Variants in DOCK7 observed in about 807,000 individuals in gnomAD.
The protein encoded by DOCK7 is dedicator of cytokinesis 7, also known as dedicator of cytokinesis protein 7.
Under a neutral mutation model 271.0 loss-of-function variants are expected in DOCK7, and 138 were observed. The ratio of observed to expected loss-of-function variants is 0.51; its 90% CI spans 0.44 to 0.59. DOCK7 has a LOEUF of 0.59. Ranked by LOEUF, DOCK7 falls within the 20% of genes least tolerant of loss-of-function variation. DOCK7 has a pLI of 0.00. For synonymous variants in DOCK7, 823 were observed against 876.1 expected (o/e 0.94, Z 1.07); for missense variants, 2,066 against 2,592.4 (o/e 0.80, Z 4.41).
rs549337180 is a variant in DOCK7, at chr1:62,500,726, G to T, written c.4764+3904C>A. Among the ~76,000 whole-genome samples, 8 of 152,224 alleles carry T rather than the reference G, an allele frequency of 5.3e-5. No individual in the cohort carries two copies. The South Asian group carries it at 1.7e-3, about 32-fold the overall frequency. ...CAATATTTAATGTCAGAAGACAATG[G>T]TACTCAAGTACCCTTTTTTTCCTAT... is the stretch of plus-strand genomic sequence containing the variant. On this transcript the variant is annotated intron_variant, in intron 37 of 49. Coordinates refer to ENST00000635253, the MANE Select transcript of DOCK7 (RefSeq NM_001367561.1).
chr1:62,682,400 T>C lies in DOCK7; in HGVS notation c.38+5827A>G, dbSNP rs780332269. Among the ~76,000 whole-genome samples, 108 of 152,214 alleles carry C rather than the reference T, an allele frequency of 7.1e-4. 2 individuals are homozygous for C. Among genetic ancestry groups the C allele is most frequent in the Non-Finnish European group, 2.6e-4 (18 of 68,036 alleles). On this transcript the variant is annotated intron_variant, in intron 1 of 49. Transcript: ENST00000635253. ...GGATGTCCAACGCAGCTTGGTGGCA[T>C]TCATTTAAACACTTTATGTGTCAGA...
intron 44 of DOCK7, among the ~76,000 whole-genome samples, chr1:62,476,783 C>T (rs1645980887): frequency 6.6e-6 from 1 of 152,034 alleles, no homozygotes; most frequent in South Asian, 2.1e-4. Context: ...AAGGAGAAAC[C>T]CCCACTGCTA....
chr1:62,666,952 A>G (rs1443374545), intron 1 of DOCK7, among the ~76,000 whole-genome samples: 1 of 152,226 alleles, frequency 6.6e-6, no homozygotes, highest in Non-Finnish European at 1.5e-5. Flanking sequence ...GTATGTCAAC[A>G]CACATTACAG....
At chr1:62,583,296 T>A in intron 15 of DOCK7, 42 bp from the exon 16 acceptor site, 1 of 1,524,502 alleles carries the variant, frequency 6.6e-7, no homozygotes, top group Non-Finnish European at 9.1e-7. Flanking sequence ...TTGTAGTAAA[T>A]GCTGGATGTT....
intron 1 of DOCK7, among the ~76,000 whole-genome samples, chr1:62,683,807 A>T (rs1661430861): frequency 6.6e-6 from 1 of 151,930 alleles, no homozygotes; most frequent in Non-Finnish European, 1.5e-5. Context: ...CAGTGCCCAT[A>T]GTCCCAGCTA....
chr1:62,630,697 A>G (rs1452961592), intron 11 of DOCK7, among the ~76,000 whole-genome samples: 1 of 152,144 alleles, frequency 6.6e-6, no homozygotes, highest in African/African-American at 2.4e-5. Flanking sequence ...CCTCATCAAC[A>G]TTATAAAAAA....
At chr1:62,670,456 G>C (rs1387333603) in intron 1 of DOCK7, among the ~76,000 whole-genome samples, 1 of 146,306 alleles carries the variant, frequency 6.8e-6, no homozygotes, top group Admixed American at 6.7e-5. Flanking sequence ...TGCACCAATC[G>C]ACACTCTGTA....
rs1479682992 is a variant in DOCK7, at chr1:62,618,730, A to G, written c.1658T>C (p.Val553Ala). Residue 553 changes from valine (V) to alanine (A), a missense_variant, in exon 14 of 50, where the codon GTT becomes GCT. This residue lies in a region of DOCK7 where 1,414 missense variants were observed against 1,670.4 expected (regional missense o/e 0.85). Transcript: ENST00000635253. ...REILEFPARD[V>A]YVPNTTYRNL... ...CCTGTAAGTAGTGTTTGGAACATAAACATCCCTTGCGGGAAACTCTAAGAT... is the reference window on the plus strand; with the variant it reads ...CCTGTAAGTAGTGTTTGGAACATAAGCATCCCTTGCGGGAAACTCTAAGAT... 6.2e-7 allele frequency: 1 copy of G among 1,613,534 alleles called. No homozygotes were observed. The highest frequency in any genetic ancestry group is 8.5e-7 in the Non-Finnish European group (1 of 1,179,532).
rs1328493814 is a variant in DOCK7, at chr1:62,457,613, T to G, written c.6305A>C (p.Lys2102Thr). The change falls in exon 49 of 50, where the codon AAA (lysine) becomes ACA (threonine). Residue 2102 changes from lysine (K) to threonine (T), a missense_variant. Around this residue, in one of 2 missense-constraint regions of DOCK7, gnomAD observed 652 missense variants for 922.1 expected, o/e 0.71. Coordinates refer to ENST00000635253, the MANE Select transcript of DOCK7 (RefSeq NM_001367561.1). ...RELERNYHRL[K>T]EALQPLINRK... ...GTTGATCAGTGGCTGTAGGGCCTCTTTAAGGCGATGATAGTTTCTCTCCAG... is the reference window on the plus strand; with the variant it reads ...GTTGATCAGTGGCTGTAGGGCCTCTGTAAGGCGATGATAGTTTCTCTCCAG... 6.2e-7 allele frequency: 1 copy of G among 1,614,212 alleles called. No individual in the cohort carries two copies. Among genetic ancestry groups the G allele is most frequent in the Non-Finnish European group, 8.5e-7 (1 of 1,180,038 alleles).
chr1:62,506,708 G>A (rs1029737636), intron 35 of DOCK7, among the ~76,000 whole-genome samples: 18 of 151,824 alleles, frequency 1.2e-4, no homozygotes, highest in African/African-American at 4.3e-4. Flanking sequence ...CACACTTTGG[G>A]AGGCTGAGGT....
chr1:62,495,320 G>A lies in DOCK7; in HGVS notation c.5024+261C>T, dbSNP rs55672040. ...AGAAAAATCACTCAAGGCCAGGTGC[G>A]GTGGCTCACGTCTGTAATCCCAGAA... On this transcript the variant is annotated intron_variant, in intron 39 of 49. Transcript: ENST00000635253. 4.0e-5 allele frequency: 9 copies of A among 225,394 alleles called. 1 individual carries two copies. The highest frequency in any genetic ancestry group is 1.1e-4 in the Admixed American group (2 of 17,510). 14.0% of individuals were successfully genotyped at this position (225,394 alleles called of 1,614,324 possible).
chr1:62,558,225 T>G lies in DOCK7; in HGVS notation c.2431+764A>C, dbSNP rs1646210986. Among the ~76,000 whole-genome samples, 3 of 152,316 alleles carry G rather than the reference T, an allele frequency of 2.0e-5. No individual in the cohort carries two copies. The East Asian group carries it at 5.8e-4, about 29-fold the overall frequency. On this transcript the variant is annotated intron_variant, in intron 20 of 49. Transcript: ENST00000635253. ...TGTGTACTATGTACATGCTGTTTCA[T>G]GCTGTTTAATCTCCTTGGAATAATA...
chr1:62,558,839 G>T, intron 20 of DOCK7, 150 bp downstream of exon 20: 7 of 626,678 alleles, frequency 1.1e-5, no homozygotes, highest in South Asian at 7.4e-5. Context: ...TTATTTTCTG[G>T]CATTATAAAC....
intron 48 of DOCK7, among the ~76,000 whole-genome samples, chr1:62,462,558 G>A (rs1482594399): frequency 6.6e-6 from 1 of 152,130 alleles, no homozygotes; most frequent in Non-Finnish European, 1.5e-5. Context: ...TAATAGTGAT[G>A]ACACAGCAAA....
chr1:62,672,735 T>C (rs1247068107), intron 1 of DOCK7, among the ~76,000 whole-genome samples: 3 of 152,110 alleles, frequency 2.0e-5, no homozygotes, highest in Admixed American at 2.0e-4. Flanking sequence ...AAAAAATAGA[T>C]ATTTTTAGAT....
intron 1 of DOCK7, among the ~76,000 whole-genome samples, chr1:62,674,189 C>G (rs1290350723): frequency 2.0e-5 from 3 of 151,978 alleles, no homozygotes; most frequent in Admixed American, 6.6e-5. Context: ...TTTTTTAATT[C>G]CATTCAAAAG....
rs1438191021 is a variant in DOCK7, at chr1:62,542,625, A to G, written c.3028T>C (p.Phe1010Leu). Residue 1010 changes from phenylalanine to leucine, a missense_variant, in exon 25 of 50, where the codon TTC becomes CTC. Phe to Leu is a conservative substitution (Grantham distance 22). Coordinates refer to ENST00000635253, the MANE Select transcript of DOCK7 (RefSeq NM_001367561.1). Reference sequence around the variant, plus strand: ...TTGCTCACCATTAATTCAAAAAAGAACCAGGCTTGTTGCAAAGCTGATTCC... The same window carrying G: ...TTGCTCACCATTAATTCAAAAAAGAGCCAGGCTTGTTGCAAAGCTGATTCC... ...VRESALQQAW[F>L]FFELMVKSMV... The G allele has an allele frequency of 6.2e-7, 1 of 1,612,424 alleles. No homozygotes were observed. The highest frequency in any genetic ancestry group is 8.5e-7 in the Non-Finnish European group (1 of 1,179,038).
At position 62,575,859 on chromosome 1, in the gene DOCK7, C is replaced by T. The variant is rs115318134; in HGVS notation, c.2112+1403G>A. On this transcript the variant is annotated intron_variant, in intron 18 of 49. Transcript: ENST00000635253. ...CCTTTAGAAAGCTGAACTTGCACTG[C>T]AATTAAGTAAAAACAAATCCTTAAC... Among the ~76,000 whole-genome samples, 852 of 152,272 alleles carry T rather than the reference C, an allele frequency of 5.6e-3. 10 individuals carry two copies. The highest frequency in any genetic ancestry group is 0.02 in the African/African-American group (814 of 41,542).
chr1:62,579,695 G>GAAA (rs34924913), intron 16 of DOCK7, among the ~76,000 whole-genome samples: 45 of 63,864 alleles, frequency 7.0e-4, no homozygotes, highest in Admixed American at 9.9e-4. Context: ...GAGTGAGACC[G>GAAA]AAAAAAAAAA....
Sources: gnomAD v4.1 joint callset for allele counts (sites outside exome capture counted in the v4.1 genomes callset) on GRCh38, gnomAD v4.1.1 for gene constraint, gnomAD v4.1.1 regional missense constraint, MANE v1.5 for transcripts, NCBI Gene and HGNC (gene_info 2026-07-23, HGNC 2026-07-21) for gene names.